GTF2I: variants seen among roughly 807,000 people sequenced by gnomAD.
GTF2I encodes the protein general transcription factor II-I.
Under a neutral mutation model 67.6 loss-of-function variants are expected in GTF2I, and 12 were observed. The observed-to-expected ratio is 0.18, with a 90% CI of 0.11 to 0.29. GTF2I has a LOEUF of 0.29. GTF2I is among the 10% of genes least tolerant of loss of function. The pLI is 1.00. For synonymous variants in GTF2I, 149 were observed against 197.0 expected, an observed-to-expected ratio of 0.76 and a Z score of 2.04; for missense variants, 271 against 580.1, an observed-to-expected ratio of 0.47 and a Z score of 5.47.
chr7:74,709,163 C>T (rs972875715), intron 8 of GTF2I, among the ~76,000 whole-genome samples: 3 of 152,220 alleles, frequency 2.0e-5, no homozygotes, highest in Admixed American at 6.5e-5. Flanking sequence ...ACATTTGTAA[C>T]AGACAAGGAA....
chr7:74,710,972 C>A, intron 8 of GTF2I, 60 bp from the exon 9 acceptor site: 1 of 792,054 alleles, frequency 1.3e-6, no homozygotes, highest in South Asian at 1.6e-5. Context: ...AGAGGATTTC[C>A]CTACACAATC....
At chr7:74,670,709 A>C (rs1459295253) in intron 1 of GTF2I, among the ~76,000 whole-genome samples, 1 of 150,766 alleles carries the variant, frequency 6.6e-6, no homozygotes, top group Non-Finnish European at 1.5e-5. Flanking sequence ...CAAAAAAAAA[A>C]CAAAAAAAAA....
intron 6 of GTF2I, among the ~76,000 whole-genome samples, chr7:74,701,543 T>C (rs1287341065): frequency 1.3e-5 from 2 of 152,106 alleles, no homozygotes; most frequent in African/African-American, 4.8e-5. Flanking sequence ...CGATCTTGGC[T>C]CACTGCAGCC....
chr7:74,662,364 C>T (rs1804582847), intron 1 of GTF2I, among the ~76,000 whole-genome samples: 1 of 151,458 alleles, frequency 6.6e-6, no homozygotes. Context: ...GCATGCGCCA[C>T]CATGCCTGGC....
At chr7:74,684,872 G>A (rs1344310983) in intron 1 of GTF2I, 1 of 152,262 alleles carries the variant, frequency 6.6e-6, no homozygotes, top group Non-Finnish European at 1.5e-5. Flanking sequence ...AATGGAAGAA[G>A]CACCAAAAGC....
intron 1 of GTF2I, among the ~76,000 whole-genome samples, chr7:74,672,644 T>C (rs1805559810): frequency 6.6e-6 from 1 of 152,154 alleles, no homozygotes; most frequent in Non-Finnish European, 1.5e-5. Flanking sequence ...AGATAAACTC[T>C]TAGAATTGAA....
chr7:74,691,943 A>G (rs1788349851), intron 3 of GTF2I, among the ~76,000 whole-genome samples: 1 of 150,480 alleles, frequency 6.6e-6, no homozygotes, highest in South Asian at 2.1e-4. Flanking sequence ...TGCCTGGCTA[A>G]TTTTTGTAAT....
chr7:74,692,013 G>A (rs587647009), intron 3 of GTF2I, among the ~76,000 whole-genome samples: 2 of 151,244 alleles, frequency 1.3e-5, no homozygotes, highest in East Asian at 3.9e-4. Flanking sequence ...CTGACCTCAG[G>A]TGATCTGCTT....
chr7:74,680,165 CAT>C (rs1307756688), intron 1 of GTF2I, among the ~76,000 whole-genome samples: 40 of 138,116 alleles, frequency 2.9e-4, no homozygotes, highest in African/African-American at 5.8e-4. Flanking sequence ...TATATACACA[CAT>C]ATATATAATT....
At chr7:74,699,323 C>CG (rs1353665723) in intron 4 of GTF2I, 10 of 220,852 alleles carry the variant, frequency 4.5e-5, no homozygotes, top group African/African-American at 7.0e-5. Flanking sequence ...GATGGAGTCT[C>CG]GCTCTGTCGC....
rs1584260433 is a variant in GTF2I, at chr7:74,717,118, A to G, written c.880+168A>G. 9.2e-6 allele frequency: 8 copies of G among 866,318 alleles called. No homozygotes were observed. The East Asian group carries it at 2.2e-4, about 24-fold the overall frequency. 53.7% of individuals were successfully genotyped at this position (866,318 alleles called of 1,614,324 possible). A position where few individuals can be genotyped will look rare whatever the true frequency, so the allele number is the denominator to read the frequency against. On this transcript the variant is annotated intron_variant, in intron 11 of 34. Coordinates refer to ENST00000573035, the MANE Select transcript of GTF2I (RefSeq NM_032999.4). ...TTTTTTAAAAATTCTAAGATGTAATATACTTCTTTGACCATACTGATTAAT... is the reference window on the plus strand; with the variant it reads ...TTTTTTAAAAATTCTAAGATGTAATGTACTTCTTTGACCATACTGATTAAT...
intron 12 of GTF2I, 120 bp downstream of exon 12, chr7:74,719,061 A>T: frequency 1.8e-6 from 1 of 565,716 alleles, no homozygotes. Flanking sequence ...GGACGAATAC[A>T]TGTGTCTGTG....
intron 1 of GTF2I, among the ~76,000 whole-genome samples, chr7:74,680,099 A>AAAAAAAAAAAAAAAAAAAAATATAT: frequency 1.1e-5 from 1 of 95,000 alleles, no homozygotes; most frequent in African/African-American, 4.0e-5. Flanking sequence ...AAAAAAAAAA[A>AAAAAAAAAAAAAAAAAAAAATATAT]ATATATATAT....
At chr7:74,697,309 C>T (rs940993964) in intron 3 of GTF2I, among the ~76,000 whole-genome samples, 1 of 151,948 alleles carries the variant, frequency 6.6e-6, no homozygotes, top group African/African-American at 2.4e-5. Context: ...GCAGAAGAAT[C>T]GTTTGAACCT....
chr7:74,678,723 T>C (rs1786925633), intron 1 of GTF2I, among the ~76,000 whole-genome samples: 1 of 152,130 alleles, frequency 6.6e-6, no homozygotes, highest in Non-Finnish European at 1.5e-5. Flanking sequence ...AAGCAGTGTT[T>C]TGTGACATAA....
chr7:74,697,954 GT>G (rs1789138261), intron 3 of GTF2I, among the ~76,000 whole-genome samples: 2 of 147,216 alleles, frequency 1.4e-5, no homozygotes, highest in African/African-American at 5.0e-5. Context: ...TTTTTTGTTT[GT>G]TTGTTTGTTT....
chr7:74,658,533 C>G (rs1804145842), intron 1 of GTF2I, among the ~76,000 whole-genome samples: 1 of 149,852 alleles, frequency 6.7e-6, no homozygotes, highest in Non-Finnish European at 1.5e-5. Context: ...GGTGCCAGGC[C>G]CGAGCCGTCG....
At chr7:74,731,527 G>T (rs1398970283) in intron 14 of GTF2I, among the ~76,000 whole-genome samples, 2 of 132,382 alleles carry the variant, frequency 1.5e-5, no homozygotes, top group Non-Finnish European at 3.1e-5. Flanking sequence ...TTTGCCCGTG[G>T]TTTTTTGTTT....
At chr7:74,713,226 A>G (rs1791844348) in intron 9 of GTF2I, among the ~76,000 whole-genome samples, 2 of 152,250 alleles carry the variant, frequency 1.3e-5, no homozygotes, top group African/African-American at 4.8e-5. Flanking sequence ...TAGTAGCAGG[A>G]TAGAATAAGA....
Sources: gnomAD v4.1 joint callset for allele counts (sites outside exome capture counted in the v4.1 genomes callset) on GRCh38, gnomAD v4.1.1 for gene constraint, MANE v1.5 for transcripts, NCBI Gene and HGNC (gene_info 2026-07-23, HGNC 2026-07-21) for gene names.